The following SOX5 variants were observed in gnomAD, a reference collection of about 807,000 sequenced individuals.
The protein encoded by SOX5 is SRY-box transcription factor 5.
Under a neutral mutation model 92.0 loss-of-function variants are expected in SOX5, and 9 were observed. That is an observed-to-expected ratio of 0.10 (90% CI 0.06 to 0.17). SOX5 has a LOEUF of 0.17. Among genes scored for constraint, SOX5 ranks in the 10% least tolerant of loss-of-function variants. The pLI is 1.00. For synonymous variants in SOX5, 344 were observed against 336.3 expected, an observed-to-expected ratio of 1.02 and a Z score of -0.25; for missense variants, 642 against 944.5, an observed-to-expected ratio of 0.68 and a Z score of 4.20.
At chr12:24,559,617 T>G (rs1371043243) in intron 1 of SOX5, among the ~76,000 whole-genome samples, 1 of 152,180 alleles carries the variant, frequency 6.6e-6, no homozygotes, top group Non-Finnish European at 1.5e-5. Context: ...CTTTAAGCAT[T>G]TAAATTCATT....
At chr12:23,573,923 A>G (rs1948745440) in intron 10 of SOX5, among the ~76,000 whole-genome samples, 1 of 152,012 alleles carries the variant, frequency 6.6e-6, no homozygotes, top group South Asian at 2.1e-4. Context: ...AATAAATGAG[A>G]CAGTAAATAT....
intron 4 of SOX5, among the ~76,000 whole-genome samples, chr12:24,078,618 A>G (rs1266333542): frequency 6.6e-6 from 1 of 152,060 alleles, no homozygotes; most frequent in African/African-American, 2.4e-5. Context: ...GATCTGTAAC[A>G]AGAGACAGGA....
intron 1 of SOX5, among the ~76,000 whole-genome samples, chr12:24,503,937 C>T (rs1050191066): frequency 1.3e-5 from 2 of 151,762 alleles, no homozygotes; most frequent in Non-Finnish European, 2.9e-5. Context: ...CAAACCTGCA[C>T]GTTCTGCAAA....
chr12:23,801,877 TTTC>T (rs1414856332), intron 3 of SOX5, among the ~76,000 whole-genome samples: 1 of 152,172 alleles, frequency 6.6e-6, no homozygotes, highest in African/African-American at 2.4e-5. Context: ...ACTACTACTG[TTTC>T]TTAACAGTCC....
chr12:23,638,829 T>C (rs2079622679), intron 8 of SOX5, among the ~76,000 whole-genome samples: 1 of 151,738 alleles, frequency 6.6e-6, no homozygotes, highest in South Asian at 2.1e-4. Flanking sequence ...AGCCAGGTTC[T>C]CTGATACGAC....
intron 6 of SOX5, among the ~76,000 whole-genome samples, chr12:23,734,175 A>G (rs901866272): frequency 6.6e-6 from 1 of 152,172 alleles, no homozygotes; most frequent in African/African-American, 2.4e-5. Context: ...AAAAATATGG[A>G]GGTCCCACAG....
intron 4 of SOX5, among the ~76,000 whole-genome samples, chr12:24,014,347 C>T (rs1258102550): frequency 3.3e-5 from 5 of 152,134 alleles, no homozygotes; most frequent in Non-Finnish European, 5.9e-5. Context: ...AGGGAGAAAG[C>T]ATTATGCTCA....
rs565703694 is a variant in SOX5 at position 24,041,228 on chromosome 12, T to C, written c.-1-145204A>G. ...CTTTCTCTATCTTTTGAGTCCTGAG[T>C]TTTGCATATCATAAGGCTCACTGAA... is the stretch of plus-strand genomic sequence containing the variant. On this transcript the variant is annotated intron_variant, in intron 4 of 4. Transcript: ENST00000446891. Among the ~76,000 whole-genome samples the C allele has an allele frequency of 6.6e-5, 10 of 152,236 alleles. No individual in the cohort carries two copies. In the East Asian group the frequency reaches 1.9e-3, roughly 29 times the overall value.
intron 1 of SOX5, among the ~76,000 whole-genome samples, chr12:24,481,092 C>T (rs192185450): frequency 2.0e-5 from 3 of 152,214 alleles, no homozygotes; most frequent in South Asian, 2.1e-4. Context: ...GAATGAGATC[C>T]TATCATTTGC....
rs1045944365 is a variant in SOX5, at chr12:23,905,629, T to C, written c.39-9605A>G. On this transcript the variant is annotated intron_variant, in intron 1 of 14. Transcript: ENST00000451604. ...AAACTCCACTGAAATCATTTTATAATGTTTAATACTTGAAAAAGATTAATT... is the reference window on the plus strand; with the variant it reads ...AAACTCCACTGAAATCATTTTATAACGTTTAATACTTGAAAAAGATTAATT... Among the ~76,000 whole-genome samples the C allele has an allele frequency of 3.9e-5, 6 of 152,308 alleles. No individual in the cohort carries two copies. In the East Asian group the frequency reaches 9.6e-4, roughly 24 times the overall value.
At chr12:23,586,815 C>T (rs186869441) in intron 9 of SOX5, among the ~76,000 whole-genome samples, 20 of 151,780 alleles carry the variant, frequency 1.3e-4, no homozygotes, top group African/African-American at 4.3e-4. Context: ...TTATTTGTCA[C>T]TTATGATTGA....
chr12:24,115,369 T>C (rs1281173540), intron 4 of SOX5, among the ~76,000 whole-genome samples: 1 of 152,218 alleles, frequency 6.6e-6, no homozygotes, highest in African/African-American at 2.4e-5. Flanking sequence ...GAAATCAGTG[T>C]TCGAGCAGAA....
chr12:24,346,143 A>G (rs1418458451), intron 2 of SOX5, among the ~76,000 whole-genome samples: 4 of 152,206 alleles, frequency 2.6e-5, no homozygotes, highest in African/African-American at 9.7e-5. Context: ...AGGTCCTTTT[A>G]TTGAAATGCG....
In SOX5 at chr12:24,299,874, C is replaced by A. The variant is rs183355251; in HGVS notation, c.-173-22562G>T. ...TCTGTGTCTACCCGTTATTTGATGACCCCTTACCATGCTCTCTGTGTGATA... is the reference window on the plus strand; with the variant it reads ...TCTGTGTCTACCCGTTATTTGATGAACCCTTACCATGCTCTCTGTGTGATA... On this transcript the variant is annotated intron_variant, in intron 2 of 4. Coordinates refer to the SOX5 transcript ENST00000446891. Among the ~76,000 whole-genome samples, 57 of 152,256 alleles carry A rather than the reference C, an allele frequency of 3.7e-4. 1 individual carries two copies. In the East Asian group the frequency reaches 5.0e-3, roughly 13 times the overall value.
intron 9 of SOX5, among the ~76,000 whole-genome samples, chr12:23,591,862 G>T (rs982808196): frequency 7.9e-5 from 12 of 151,942 alleles, no homozygotes; most frequent in Non-Finnish European, 1.5e-4. Context: ...TATGTTATTT[G>T]AAGTGCTACT....
At chr12:24,163,789 A>G (rs1038998524) in intron 4 of SOX5, among the ~76,000 whole-genome samples, 1 of 152,012 alleles carries the variant, frequency 6.6e-6, no homozygotes, top group Non-Finnish European at 1.5e-5. Flanking sequence ...TTTAAAAAGT[A>G]TATGTATGGG....
chr12:24,446,885 A>G (rs1278545103), intron 1 of SOX5, among the ~76,000 whole-genome samples: 2 of 152,242 alleles, frequency 1.3e-5, no homozygotes, highest in Non-Finnish European at 2.9e-5. Context: ...ATGGAGGTAT[A>G]TCAGTGGGAC....
chr12:24,345,427 T>A (rs1296405861), intron 2 of SOX5, among the ~76,000 whole-genome samples: 2 of 152,178 alleles, frequency 1.3e-5, no homozygotes, highest in African/African-American at 4.8e-5. Flanking sequence ...TAGCACTTTT[T>A]CTCTACTGGT....
At chr12:24,533,869 A>G in intron 1 of SOX5, among the ~76,000 whole-genome samples, 1 of 152,206 alleles carries the variant, frequency 6.6e-6, no homozygotes, top group Non-Finnish European at 1.5e-5. Context: ...AATGGTTCTG[A>G]CTAAGCAGAC....
Sources: gnomAD v4.1 joint callset for allele counts (sites outside exome capture counted in the v4.1 genomes callset) on GRCh38, gnomAD v4.1.1 for gene constraint, MANE v1.5 for transcripts, NCBI Gene and HGNC (gene_info 2026-07-23, HGNC 2026-07-21) for gene names.